Variants in LRP2 observed in about 807,000 individuals in gnomAD.
LRP2 encodes the protein low-density lipoprotein receptor-related protein 2.
Under a neutral mutation model 531.0 loss-of-function variants are expected in LRP2, and 172 were observed. That is an observed-to-expected ratio of 0.32 (90% CI 0.29 to 0.37). The LOEUF is 0.37. Among genes scored for constraint, LRP2 ranks in the 10% least tolerant of loss-of-function variants. The pLI is 1.00. For synonymous variants in LRP2, 1,992 were observed against 2,027.6 expected, an observed-to-expected ratio of 0.98 and a Z score of 0.47; for missense variants, 5,167 against 5,868.3, an observed-to-expected ratio of 0.88 and a Z score of 3.90.
At chr2:169,228,864 C>G (rs1166997034) in intron 31 of LRP2, among the ~76,000 whole-genome samples, 1 of 152,104 alleles carries the variant, frequency 6.6e-6, no homozygotes, top group South Asian at 2.1e-4. Flanking sequence ...CAGGGAGATG[C>G]CTGAAAAGTG....
chr2:169,158,846 T>TAA (rs761633083), intron 63 of LRP2, among the ~76,000 whole-genome samples: 8 of 100,364 alleles, frequency 8.0e-5, no homozygotes, highest in Non-Finnish European at 8.5e-5. Context: ...ACTTTCACAG[T>TAA]AAAAAAAAAA....
chr2:169,326,264 G>C (rs1443434258), intron 1 of LRP2, among the ~76,000 whole-genome samples: 5 of 142,108 alleles, frequency 3.5e-5, no homozygotes, highest in Non-Finnish European at 7.6e-5. Flanking sequence ...CTCTGATGCC[G>C]AGCCGAAGCT....
intron 58 of LRP2, among the ~76,000 whole-genome samples, chr2:169,170,921 G>GTT (rs57451386): frequency 0.05 from 4,551 of 91,820 alleles, 535 homozygotes; most frequent in African/African-American, 0.075. Flanking sequence ...CTCTCTCTCT[G>GTT]TTTTTTTTTT....
chr2:169,216,054 A>G (rs1209602536), intron 35 of LRP2, among the ~76,000 whole-genome samples, 199 bp downstream of exon 35: 1 of 152,106 alleles, frequency 6.6e-6, no homozygotes, highest in Non-Finnish European at 1.5e-5. Context: ...GGAACTATGC[A>G]CATACTATAA....
At chr2:169,240,606 C>A in intron 25 of LRP2, 1 of 389,006 alleles carries the variant, frequency 2.6e-6, no homozygotes, top group East Asian at 4.7e-5. Context: ...ATCACAGCAA[C>A]ACAAATCCCT....
At chr2:169,143,869 TTGTC>T (rs1431514300) in intron 70 of LRP2, among the ~76,000 whole-genome samples, 2 of 152,208 alleles carry the variant, frequency 1.3e-5, no homozygotes, top group African/African-American at 4.8e-5. Flanking sequence ...GTGATCCTGA[TTGTC>T]TGTCATTCAA....
chr2:169,204,442 T>G (rs915750652), intron 41 of LRP2, among the ~76,000 whole-genome samples, 171 bp from the exon 42 acceptor site: 1 of 152,182 alleles, frequency 6.6e-6, no homozygotes, highest in Non-Finnish European at 1.5e-5. Flanking sequence ...AGGTCTTGTT[T>G]GCTTATCAAA....
At chr2:169,338,545 A>G (rs777660749) in intron 1 of LRP2, among the ~76,000 whole-genome samples, 3 of 152,224 alleles carry the variant, frequency 2.0e-5, no homozygotes, top group Non-Finnish European at 2.9e-5. Context: ...GTGTTTGTTT[A>G]CCATCACTGG....
intron 38 of LRP2, among the ~76,000 whole-genome samples, chr2:169,208,226 A>C (rs1158976358): frequency 6.6e-6 from 1 of 152,184 alleles, no homozygotes; most frequent in Non-Finnish European, 1.5e-5. Flanking sequence ...TAGCTGTGTT[A>C]CAATAAAACT....
intron 1 of LRP2, among the ~76,000 whole-genome samples, chr2:169,328,792 C>T (rs1402028711): frequency 6.6e-6 from 1 of 152,224 alleles, no homozygotes; most frequent in African/African-American, 2.4e-5. Context: ...GCCCCAGGAC[C>T]TGTGTGACTC....
chr2:169,233,464 T>C lies in LRP2; in HGVS notation c.5045A>G (p.Asn1682Ser). 6.2e-7 allele frequency: 1 copy of C among 1,614,178 alleles called. No individual in the cohort carries two copies. Among genetic ancestry groups the C allele is most frequent in the Non-Finnish European group, 8.5e-7 (1 of 1,180,040 alleles). The change falls in exon 30 of 79, where the codon AAT becomes AGT. Residue 1682 changes from asparagine to serine, a missense_variant. By Grantham distance (46) the Asn-to-Ser change is conservative (BLOSUM62 1). Transcript: ENST00000649046. ...HGGNQSVVMY[N>S]IQWPLGIVAV... Reference sequence around the variant, plus strand: ...AACAATCCCAAGGGGCCATTGAATATTATACATTACAACTGACTGGTTCCC... The same window carrying C: ...AACAATCCCAAGGGGCCATTGAATACTATACATTACAACTGACTGGTTCCC...
In LRP2 at chr2:169,128,820, T is replaced by C; in HGVS notation, c.13811A>G (p.Glu4604Gly). The change falls in exon 79 of 79, where the codon GAG becomes GGG. Residue 4604 changes from glutamate (E) to glycine (G), a missense_variant. Physicochemically the swap from Glu to Gly is moderately conservative, Grantham distance 98. This residue lies in a region of LRP2 where 348 missense variants were observed against 369.3 expected (regional missense o/e 0.94). Transcript: ENST00000649046. ...ENPIYAQMEN[E>G]QKESVAATPP... is the part of the protein sequence containing the mutation. Reference sequence around the variant, plus strand: ...TGTCGCAGCAACACTTTCCTTTTGCTCGTTCTCCATCTAAGAATACAATGT... The same window carrying C: ...TGTCGCAGCAACACTTTCCTTTTGCCCGTTCTCCATCTAAGAATACAATGT... 1.9e-6 allele frequency: 3 copies of C among 1,614,076 alleles called. No individual in the cohort carries two copies. The highest frequency in any genetic ancestry group is 1.6e-4 in the Middle Eastern group (1 of 6,062).
intron 1 of LRP2, among the ~76,000 whole-genome samples, chr2:169,361,932 A>G (rs1686176574): frequency 6.6e-6 from 1 of 152,182 alleles, no homozygotes; most frequent in Non-Finnish European, 1.5e-5. Context: ...CTCTGAGCAG[A>G]GCCCGGGACC....
chr2:169,228,636 A>G (rs1031617665), intron 31 of LRP2, among the ~76,000 whole-genome samples: 2 of 152,114 alleles, frequency 1.3e-5, no homozygotes, highest in African/African-American at 4.8e-5. Flanking sequence ...CTTAAGCACC[A>G]CCCGCTTCTA....
intron 58 of LRP2, 60 bp downstream of exon 58, chr2:169,171,955 C>A (rs1687019488): frequency 6.2e-7 from 1 of 1,609,598 alleles, no homozygotes; most frequent in African/African-American, 1.3e-5. Flanking sequence ...GAATTATGGA[C>A]AAAAAGCAAA....
intron 61 of LRP2, among the ~76,000 whole-genome samples, chr2:169,167,190 T>C (rs1268840206): frequency 6.6e-6 from 1 of 152,208 alleles, no homozygotes; most frequent in Non-Finnish European, 1.5e-5. Flanking sequence ...GTCTAAGATG[T>C]GTCTCAAGAT....
chr2:169,236,478 T>G (rs563015444), intron 28 of LRP2, among the ~76,000 whole-genome samples: 1 of 152,208 alleles, frequency 6.6e-6, no homozygotes, highest in East Asian at 1.9e-4. Context: ...TAAATTTCAG[T>G]GGTGTGTAAT....
In LRP2 at chr2:169,274,693, T is replaced by C. The variant is rs975064597; in HGVS notation, c.1975+343A>G. ...TTCCTTAACTGTAATATTAGAAGTTTGAAATAGATGTCTTTCCCAGTAGAA... is the reference window on the plus strand; with the variant it reads ...TTCCTTAACTGTAATATTAGAAGTTCGAAATAGATGTCTTTCCCAGTAGAA... On this transcript the variant is annotated intron_variant, in intron 14 of 78. Coordinates refer to ENST00000649046, the MANE Select transcript of LRP2 (RefSeq NM_004525.3). 9.9e-5 allele frequency among the ~76,000 whole-genome samples: 15 copies of C among 152,258 alleles called. No individual in the cohort carries two copies. The Middle Eastern group carries it at 0.01, about 104-fold the overall frequency.
intron 13 of LRP2, among the ~76,000 whole-genome samples, chr2:169,276,703 A>G (rs1683563783): frequency 6.6e-6 from 1 of 152,210 alleles, no homozygotes; most frequent in African/African-American, 2.4e-5. Context: ...TCATTGAGAA[A>G]ACAATAAAAT....
Sources: allele counts gnomAD v4.1 joint callset (sites outside exome capture counted in the v4.1 genomes callset), GRCh38; gene constraint gnomAD v4.1.1; regional missense constraint gnomAD v4.1.1; transcripts MANE v1.5; gene names NCBI Gene and HGNC (gene_info 2026-07-23, HGNC 2026-07-21).